The following ESRRG variants were observed in gnomAD, a reference collection of about 807,000 sequenced individuals.
The protein encoded by ESRRG is estrogen related receptor gamma.
In ESRRG, 13 loss-of-function variants were observed where a neutral mutation model predicts 44.0. The observed-to-expected ratio is 0.30, with a 90% confidence interval of 0.19 to 0.47. The LOEUF (loss-of-function observed/expected upper bound fraction) is 0.47. Among genes scored for constraint, ESRRG ranks in the 20% least tolerant of loss-of-function variants. ESRRG has a pLI of 1.00. For synonymous variants in ESRRG, 215 were observed against 214.6 expected (o/e 1.00, Z -0.02); for missense variants, 395 against 580.6 (o/e 0.68, Z 3.29).
At chr1:216,964,864 G>A (rs1040603157) in intron 1 of ESRRG, among the ~76,000 whole-genome samples, 4 of 152,084 alleles carry the variant, frequency 2.6e-5, no homozygotes, top group African/African-American at 9.7e-5. Flanking sequence ...CCATAGAAAA[G>A]AGGCCATGAA....
intron 2 of ESRRG, among the ~76,000 whole-genome samples, chr1:216,803,094 T>G (rs2094675875): frequency 6.6e-6 from 1 of 152,064 alleles, no homozygotes; most frequent in Non-Finnish European, 1.5e-5. Context: ...GGGCCACATT[T>G]CACCATTCCA....
intron 2 of ESRRG, among the ~76,000 whole-genome samples, chr1:216,774,561 C>G (rs1032461878): frequency 2.0e-5 from 3 of 151,978 alleles, no homozygotes; most frequent in African/African-American, 7.3e-5. Context: ...TCAAATATAC[C>G]ACTGCGTACT....
chr1:216,788,337 C>T (rs990072128), intron 2 of ESRRG, among the ~76,000 whole-genome samples: 1 of 152,092 alleles, frequency 6.6e-6, no homozygotes, highest in Non-Finnish European at 1.5e-5. Context: ...AGCCAGTGCT[C>T]ATGTACCTTT....
chr1:216,851,419 T>A (rs2095841128), intron 2 of ESRRG, among the ~76,000 whole-genome samples: 1 of 151,992 alleles, frequency 6.6e-6, no homozygotes, highest in Non-Finnish European at 1.5e-5. Context: ...TCCTCCCCAC[T>A]CCCCACCAGG....
At chr1:216,742,566 C>T (rs1293560430) in intron 2 of ESRRG, among the ~76,000 whole-genome samples, 1 of 151,682 alleles carries the variant, frequency 6.6e-6, no homozygotes, top group Non-Finnish European at 1.5e-5. Flanking sequence ...CATTTCTGTC[C>T]TAACTCCATC....
chr1:217,137,060 G>A (rs527587343), intron 1 of ESRRG, among the ~76,000 whole-genome samples: 4 of 152,242 alleles, frequency 2.6e-5, no homozygotes, highest in African/African-American at 9.6e-5. Flanking sequence ...AAAGCGACTA[G>A]TAGCTGGGGG....
chr1:216,788,569 G>A (rs1200922638), intron 2 of ESRRG, among the ~76,000 whole-genome samples: 41 of 152,124 alleles, frequency 2.7e-4, no homozygotes, highest in Admixed American at 2.7e-3. Context: ...TGGACAAGGA[G>A]ATGAGTGTTG....
chr1:216,589,979 A>G (rs1468477737), intron 3 of ESRRG, among the ~76,000 whole-genome samples: 1 of 151,492 alleles, frequency 6.6e-6, no homozygotes, highest in Non-Finnish European at 1.5e-5. Context: ...TAAAATTGAA[A>G]AAATATATAT....
intron 5 of ESRRG, among the ~76,000 whole-genome samples, chr1:216,550,896 A>C (rs889876006): frequency 6.6e-6 from 1 of 152,136 alleles, no homozygotes; most frequent in Non-Finnish European, 1.5e-5. Context: ...GAACAGCATA[A>C]AAGTCCTTTC....
intron 1 of ESRRG, among the ~76,000 whole-genome samples, chr1:217,132,686 T>C (rs563444564): frequency 6.6e-6 from 1 of 152,178 alleles, no homozygotes; most frequent in South Asian, 2.1e-4. Context: ...CCCACTTCTG[T>C]CCAATTCCAC....
chr1:216,712,275 A>G (rs554065870), intron 1 of ESRRG, among the ~76,000 whole-genome samples: 1 of 152,316 alleles, frequency 6.6e-6, no homozygotes, highest in Admixed American at 6.5e-5. Context: ...TAGCAATGCT[A>G]TATAACGGAA....
At chr1:216,621,625 G>A (rs2062249976) in intron 3 of ESRRG, among the ~76,000 whole-genome samples, 1 of 152,270 alleles carries the variant, frequency 6.6e-6, no homozygotes, top group South Asian at 2.1e-4. Flanking sequence ...TGACTGATCA[G>A]GCCATCTGGG....
chr1:216,705,052 A>G (rs1362583706), intron 1 of ESRRG, among the ~76,000 whole-genome samples: 4 of 152,160 alleles, frequency 2.6e-5, no homozygotes, highest in Admixed American at 6.5e-5. Context: ...CCTGATTGCA[A>G]CAGTGTCTAT....
chr1:216,691,493 A>G (rs1159922965), intron 1 of ESRRG, among the ~76,000 whole-genome samples: 4 of 152,334 alleles, frequency 2.6e-5, no homozygotes, highest in African/African-American at 4.8e-5. Context: ...TTTCCTTAGC[A>G]GGAAAGGAAA....
At chr1:216,605,069 C>A (rs1428754436) in intron 3 of ESRRG, among the ~76,000 whole-genome samples, 1 of 152,158 alleles carries the variant, frequency 6.6e-6, no homozygotes, top group Non-Finnish European at 1.5e-5. Context: ...TAAAGAAACA[C>A]ACAGTGCAGA....
At chr1:216,775,452 T>G (rs1264420348) in intron 2 of ESRRG, among the ~76,000 whole-genome samples, 2 of 151,392 alleles carry the variant, frequency 1.3e-5, no homozygotes, top group Non-Finnish European at 2.9e-5. Flanking sequence ...GAACCATTCC[T>G]TTTCCTGTGT....
At chr1:216,769,662 T>C (rs1158469569) in intron 2 of ESRRG, among the ~76,000 whole-genome samples, 3 of 152,092 alleles carry the variant, frequency 2.0e-5, no homozygotes, top group East Asian at 1.9e-4. Context: ...ATGTGAATTC[T>C]CTTCTATTAG....
At chr1:216,916,573 G>A (rs913160392) in intron 2 of ESRRG, among the ~76,000 whole-genome samples, 1 of 152,192 alleles carries the variant, frequency 6.6e-6, no homozygotes, top group Non-Finnish European at 1.5e-5. Flanking sequence ...CCAGGCACGC[G>A]CAGCAAGAAG....
upstream of ESRRG, among the ~76,000 whole-genome samples, chr1:217,090,957 C>T (rs928220361): frequency 2.4e-4 from 36 of 152,156 alleles, no homozygotes; most frequent in African/African-American, 8.2e-4. Flanking sequence ...GCCGGTGTGG[C>T]CACATGGCAG....
Sources: allele counts gnomAD v4.1 joint callset (sites outside exome capture counted in the v4.1 genomes callset), GRCh38; gene constraint gnomAD v4.1.1; transcripts MANE v1.5; gene names NCBI Gene and HGNC (gene_info 2026-07-23, HGNC 2026-07-21).